ASAP1: variants seen among roughly 807,000 people sequenced by gnomAD.
ASAP1 encodes the protein arf-GAP with SH3 domain, ANK repeat and PH domain-containing protein 1.
In ASAP1, 43 loss-of-function variants were observed where a neutral mutation model predicts 145.2. That is an observed-to-expected ratio of 0.30 (90% CI 0.23 to 0.38). The LOEUF is 0.38. ASAP1 is among the 10% of genes least tolerant of loss of function. The pLI is 1.00. For synonymous variants in ASAP1, 546 were observed against 515.5 expected, an observed-to-expected ratio of 1.06 and a Z score of -0.80; for missense variants, 1,018 against 1,355.3, an observed-to-expected ratio of 0.75 and a Z score of 3.91.
At chr8:130,349,956 C>T (rs1825905262) in intron 3 of ASAP1, among the ~76,000 whole-genome samples, 1 of 152,042 alleles carries the variant, frequency 6.6e-6, no homozygotes, top group Non-Finnish European at 1.5e-5. Context: ...GGTTTTAGTC[C>T]CCAAATGACT....
intron 3 of ASAP1, among the ~76,000 whole-genome samples, chr8:130,346,584 G>T (rs1490715173): frequency 2.0e-5 from 3 of 152,284 alleles, no homozygotes; most frequent in Non-Finnish European, 4.4e-5. Flanking sequence ...TATATGAGAC[G>T]ATATGGGTAG....
intron 25 of ASAP1, among the ~76,000 whole-genome samples, chr8:130,086,159 G>C (rs1309014737): frequency 7.2e-5 from 11 of 152,390 alleles, no homozygotes; most frequent in African/African-American, 2.4e-4. Context: ...TGGCCAGTGG[G>C]CCTGCATTTT....
At chr8:130,406,843 G>A (rs1409734171) in intron 1 of ASAP1, among the ~76,000 whole-genome samples, 1 of 152,032 alleles carries the variant, frequency 6.6e-6, no homozygotes, top group Non-Finnish European at 1.5e-5. Flanking sequence ...TAGAAAATTA[G>A]GGACTTAAAA....
intron 24 of ASAP1, among the ~76,000 whole-genome samples, chr8:130,094,693 G>A (rs956960398): frequency 6.6e-6 from 1 of 152,120 alleles, no homozygotes; most frequent in Non-Finnish European, 1.5e-5. Context: ...CAGGACTGGC[G>A]AGGCACTCAC....
intron 5 of ASAP1, among the ~76,000 whole-genome samples, chr8:130,198,469 C>T (rs983521776): frequency 2.6e-5 from 4 of 152,194 alleles, no homozygotes; most frequent in East Asian, 1.9e-4. Flanking sequence ...CTCTCCATCT[C>T]ACAGTTCCTG....
intron 18 of ASAP1, among the ~76,000 whole-genome samples, chr8:130,123,695 C>T (rs926779227): frequency 2.0e-5 from 3 of 152,084 alleles, no homozygotes; most frequent in African/African-American, 4.8e-5. Context: ...GGTGCGATCT[C>T]GGCTCACTGC....
intron 5 of ASAP1, among the ~76,000 whole-genome samples, chr8:130,207,538 G>C (rs1816305794): frequency 6.6e-6 from 1 of 151,964 alleles, no homozygotes; most frequent in Non-Finnish European, 1.5e-5. Context: ...GTAACAGAAT[G>C]AATCATAAAT....
intron 29 of ASAP1, 98 bp from the exon 30 acceptor site, chr8:130,054,903 C>A: frequency 1.1e-6 from 1 of 932,870 alleles, no homozygotes; most frequent in Admixed American, 1.7e-5. Context: ...GCCCACAGAC[C>A]TGGCGGTGGA....
chr8:130,064,488 T>A (rs753972083), intron 27 of ASAP1, among the ~76,000 whole-genome samples: 2 of 151,942 alleles, frequency 1.3e-5, no homozygotes, highest in Non-Finnish European at 2.9e-5. Context: ...CGTATTCCAG[T>A]TTTAAGTAGA....
intron 26 of ASAP1, 89 bp downstream of exon 26, chr8:130,079,813 G>A (rs906880062): frequency 2.5e-5 from 34 of 1,360,184 alleles, no homozygotes; most frequent in Admixed American, 8.5e-5. Flanking sequence ...TTTGAGCAGC[G>A]CTGGGAAATT....
chr8:130,082,553 G>C (rs1193414045), intron 25 of ASAP1, among the ~76,000 whole-genome samples: 1 of 150,150 alleles, frequency 6.7e-6, no homozygotes, highest in African/African-American at 2.5e-5. Context: ...ACCCAGGTGG[G>C]AGTGCAGTGG....
chr8:130,418,277 C>T (rs1031039367), intron 1 of ASAP1, among the ~76,000 whole-genome samples: 3 of 152,166 alleles, frequency 2.0e-5, no homozygotes, highest in African/African-American at 7.2e-5. Context: ...AGGCCCGGCA[C>T]GGTCGCACAC....
intron 3 of ASAP1, among the ~76,000 whole-genome samples, chr8:130,334,324 T>A (rs776723218): frequency 9.2e-5 from 14 of 152,144 alleles, no homozygotes; most frequent in Non-Finnish European, 1.8e-4. Flanking sequence ...GAAAAGCACA[T>A]GATGAAATAT....
intron 3 of ASAP1, among the ~76,000 whole-genome samples, chr8:130,290,652 T>C (rs1821889949): frequency 6.6e-6 from 1 of 152,230 alleles, no homozygotes; most frequent in Non-Finnish European, 1.5e-5. Flanking sequence ...GTCACATTTA[T>C]AAAGCTTTTC....
At chr8:130,118,370 T>C in intron 19 of ASAP1, 119 bp downstream of exon 19, 1 of 1,351,936 alleles carries the variant, frequency 7.4e-7, no homozygotes, top group South Asian at 1.4e-5. Flanking sequence ...ATTCTCTTGA[T>C]TTAGACATGG....
At chr8:130,077,785 C>T (rs1281593212) in intron 26 of ASAP1, among the ~76,000 whole-genome samples, 1 of 152,112 alleles carries the variant, frequency 6.6e-6, no homozygotes, top group Non-Finnish European at 1.5e-5. Context: ...CCTTGATCTT[C>T]ACTGCTCTTT....
chr8:130,078,924 T>G (rs2135303069), intron 26 of ASAP1, among the ~76,000 whole-genome samples: 1 of 152,274 alleles, frequency 6.6e-6, no homozygotes, highest in Non-Finnish European at 1.5e-5. Context: ...CTGGATATGG[T>G]GGCTCCCACT....
intron 3 of ASAP1, among the ~76,000 whole-genome samples, chr8:130,314,681 G>T (rs950948945): frequency 6.6e-6 from 1 of 152,204 alleles, no homozygotes; most frequent in Non-Finnish European, 1.5e-5. Flanking sequence ...CTGCAAAAAC[G>T]TGCTTCACAG....
In ASAP1 at chr8:130,358,814, GGCTGC is replaced by G. The variant is rs1400838744; in HGVS notation, c.60-676_60-672del. Among the ~76,000 whole-genome samples the G allele has an allele frequency of 6.8e-6, 1 of 148,082 alleles. No individual in the cohort carries two copies. The highest frequency in any genetic ancestry group is 1.5e-5 in the Non-Finnish European group (1 of 67,146). ...CTCCGAAGCTGCCGCTCCCGACCCC[GGCTGC>G]GCGGCACGGGGGCTCCGGAAGCCCG... On this transcript the variant is annotated intron_variant, in intron 2 of 29. Coordinates refer to ENST00000518721, the MANE Select transcript of ASAP1 (RefSeq NM_018482.4). The surrounding 1 kb of genome is among the most constrained non-coding windows in gnomAD (Gnocchi z 4.1).
Sources: gnomAD v4.1 joint callset for allele counts (sites outside exome capture counted in the v4.1 genomes callset) on GRCh38, gnomAD v4.1.1 for gene constraint, Gnocchi (gnomAD v3.1) non-coding constraint, MANE v1.5 for transcripts, NCBI Gene and HGNC (gene_info 2026-07-23, HGNC 2026-07-21) for gene names.